CPEB1: variants seen among roughly 807,000 people sequenced by gnomAD.
CPEB1 encodes cytoplasmic polyadenylation element-binding protein 1.
CPEB1 carries 7 observed loss-of-function variants against 65.8 expected under a neutral mutation model. The ratio of observed to expected loss-of-function variants is 0.11; its 90% CI spans 0.06 to 0.20. The LOEUF is 0.20. Among genes scored for constraint, CPEB1 ranks in the 10% least tolerant of loss-of-function variants. The probability of loss-of-function intolerance (pLI) is 1.00; values close to 1 mark genes in which losing one functional copy is unlikely to be tolerated. For synonymous variants in CPEB1, 262 were observed against 260.0 expected (o/e 1.01, Z -0.08); for missense variants, 551 against 712.2 (o/e 0.77, Z 2.58).
At chr15:82,562,141 C>A in intron 4 of CPEB1, 1 of 443,698 alleles carries the variant, frequency 2.3e-6, no homozygotes, top group Non-Finnish European at 4.5e-6. Flanking sequence ...CTCCAAGTAC[C>A]ATTCACTAGC....
At chr15:82,647,976 C>T (rs1371711865), upstream of CPEB1, 5 of 895,802 alleles carry the variant, frequency 5.6e-6, no homozygotes, top group African/African-American at 3.5e-5. Context: ...CGCGCAGCCC[C>T]GCACCCCGGC....
chr15:82,574,713 A>C (rs1596049808), intron 3 of CPEB1, among the ~76,000 whole-genome samples: 1 of 121,388 alleles, frequency 8.2e-6, no homozygotes. Context: ...ACAGAGCTAG[A>C]CTCGGTCTCA....
At chr15:82,601,736 T>C (rs1357013621) in intron 3 of CPEB1, among the ~76,000 whole-genome samples, 4 of 152,018 alleles carry the variant, frequency 2.6e-5, no homozygotes, top group African/African-American at 4.8e-5. Flanking sequence ...TGTAACCAAA[T>C]AGGTATCAAA....
chr15:82,639,360 C>T (rs2046917289), intron 1 of CPEB1, among the ~76,000 whole-genome samples: 1 of 152,154 alleles, frequency 6.6e-6, no homozygotes. Context: ...CTATAAGGTT[C>T]CCCTGTGCCC....
At chr15:82,639,638 G>A (rs1055801689) in intron 1 of CPEB1, among the ~76,000 whole-genome samples, 2 of 152,180 alleles carry the variant, frequency 1.3e-5, no homozygotes, top group South Asian at 2.1e-4. Flanking sequence ...AAGATTTAAA[G>A]TAACAGGTCT....
chr15:82,587,014 C>T lies in CPEB1; in HGVS notation c.272-15482G>A, dbSNP rs76457571. 2.2e-4 allele frequency among the ~76,000 whole-genome samples: 34 copies of T among 152,086 alleles called. No homozygotes were observed. The East Asian group carries it at 6.4e-3, about 28-fold the overall frequency. On this transcript the variant is annotated intron_variant, in intron 3 of 12. Coordinates refer to ENST00000684509, the MANE Select transcript of CPEB1 (RefSeq NM_001365242.1). ...TTAAGACAGTTTCAATAGTTGCCACCCCCTAGTTGTAAAAAAGATTATCAG... is the reference window on the plus strand; with the variant it reads ...TTAAGACAGTTTCAATAGTTGCCACTCCCTAGTTGTAAAAAAGATTATCAG...
chr15:82,565,019 G>T (rs147489905), intron 4 of CPEB1, among the ~76,000 whole-genome samples: 1 of 152,158 alleles, frequency 6.6e-6, no homozygotes, highest in African/African-American at 2.4e-5. Flanking sequence ...TAACACGTGG[G>T]ATGTCAGCAT....
At chr15:82,595,320 C>A (rs2042589982) in intron 3 of CPEB1, among the ~76,000 whole-genome samples, 1 of 152,202 alleles carries the variant, frequency 6.6e-6, no homozygotes, top group Non-Finnish European at 1.5e-5. Flanking sequence ...GTTTTCATTT[C>A]TCTTAAGGAG....
At chr15:82,641,933 A>G (rs2047149441) in intron 1 of CPEB1, among the ~76,000 whole-genome samples, 1 of 152,216 alleles carries the variant, frequency 6.6e-6, no homozygotes, top group African/African-American at 2.4e-5. Flanking sequence ...ACACCTAATA[A>G]AATTCATTGG....
intron 3 of CPEB1, among the ~76,000 whole-genome samples, chr15:82,595,997 G>A (rs2042636277): frequency 6.6e-6 from 1 of 152,118 alleles, no homozygotes; most frequent in African/African-American, 2.4e-5. Flanking sequence ...TACTGCCATG[G>A]GAATGCAGTC....
intron 4 of CPEB1, chr15:82,562,271 A>G (rs1394474349): frequency 2.2e-6 from 1 of 448,702 alleles, no homozygotes; most frequent in African/African-American, 2.0e-5. Context: ...GATCTTCCCT[A>G]CCAGAAGTCC....
chr15:82,593,868 G>T (rs2151160762), intron 3 of CPEB1, among the ~76,000 whole-genome samples: 1 of 152,340 alleles, frequency 6.6e-6, no homozygotes, highest in Non-Finnish European at 1.5e-5. Context: ...TTAATGAGCA[G>T]TAATATTATG....
At chr15:82,635,757 G>A (rs113552572) in intron 1 of CPEB1, among the ~76,000 whole-genome samples, 52 of 152,252 alleles carry the variant, frequency 3.4e-4, no homozygotes, top group African/African-American at 1.0e-3. Context: ...TGCTATAGAA[G>A]AGAGGAATAA....
chr15:82,645,044 G>A (rs2047388568), intron 1 of CPEB1, among the ~76,000 whole-genome samples: 3 of 152,218 alleles, frequency 2.0e-5, no homozygotes, highest in African/African-American at 7.2e-5. Context: ...ACAGGCATCA[G>A]CTCTCCAACC....
At chr15:82,598,435 A>G (rs1258201460) in intron 3 of CPEB1, among the ~76,000 whole-genome samples, 1 of 152,132 alleles carries the variant, frequency 6.6e-6, no homozygotes, top group Non-Finnish European at 1.5e-5. Context: ...CAGAGGTTGC[A>G]GTGAGCTGAG....
intron 12 of CPEB1, 72 bp downstream of exon 12, chr15:82,546,369 A>G (rs1398768516): frequency 4.1e-6 from 5 of 1,226,794 alleles, no homozygotes; most frequent in Non-Finnish European, 6.0e-6. Flanking sequence ...TGCTGGGATT[A>G]CAGGTGTGAA....
intron 3 of CPEB1, among the ~76,000 whole-genome samples, chr15:82,603,362 TAAAA>T (rs141975043): frequency 6.8e-6 from 1 of 147,320 alleles, no homozygotes; most frequent in Non-Finnish European, 1.5e-5. Flanking sequence ...AAAGTTTATT[TAAAA>T]AAAAAAAATC....
intron 3 of CPEB1, among the ~76,000 whole-genome samples, chr15:82,574,722 CAA>C (rs534968367): frequency 5.7e-3 from 306 of 53,418 alleles, no homozygotes; most frequent in African/African-American, 0.02. Context: ...GACTCGGTCT[CAA>C]AAAAAAAAAA....
At chr15:82,647,674 C>G, upstream of CPEB1, 1 of 403,992 alleles carries the variant, frequency 2.5e-6, no homozygotes. Context: ...TCCCTGCCCC[C>G]CTCGCCCTCC....
Sources: allele counts gnomAD v4.1 joint callset (sites outside exome capture counted in the v4.1 genomes callset), GRCh38; gene constraint gnomAD v4.1.1; transcripts MANE v1.5; gene names NCBI Gene and HGNC (gene_info 2026-07-23, HGNC 2026-07-21).